Variants in NLRP8 observed in about 807,000 individuals in gnomAD.
NLRP8 encodes NACHT, LRR and PYD domains-containing protein 8.
A neutral mutation model predicts 88.7 loss-of-function variants in NLRP8; 86 were observed. The ratio of observed to expected loss-of-function variants is 0.97; its 90% CI spans 0.81 to 1.16. NLRP8 has a LOEUF of 1.16. Ranked by LOEUF, NLRP8 falls within the 50% of genes most tolerant of loss-of-function variation. The probability of loss-of-function intolerance (pLI) is 0.00; values close to 1 mark genes in which losing one functional copy is unlikely to be tolerated. For synonymous variants in NLRP8, 504 were observed against 494.6 expected (o/e 1.02, Z -0.25); for missense variants, 1,342 against 1,286.5 (o/e 1.04, Z -0.66).
chr19:55,981,867 G>T (rs1461698164), intron 9 of NLRP8, among the ~76,000 whole-genome samples: 1 of 151,456 alleles, frequency 6.6e-6, no homozygotes, highest in Admixed American at 6.6e-5. Flanking sequence ...TTTTTACAAT[G>T]TAATGATCAG....
rs367754677 is a variant in NLRP8, at chr19:55,952,509, G to A, written c.368-29G>A. The A allele has an allele frequency of 2.3e-4, 366 of 1,592,336 alleles. 1 individual carries two copies. The highest frequency in any genetic ancestry group is 9.9e-4 in the Middle Eastern group (6 of 6,040). The stretch of plus-strand genomic sequence containing the variant: ...CTGCTACCAAGATCTTATCATTCCC[G>A]TGGAACAGCCTCCTTTTTTCTGTTA... On this transcript the variant is annotated intron_variant, in intron 1 of 9. Coordinates refer to ENST00000291971, the MANE Select transcript of NLRP8 (RefSeq NM_176811.2).
chr19:55,986,396 A>C (rs755630838), intron 9 of NLRP8, among the ~76,000 whole-genome samples: 1 of 151,052 alleles, frequency 6.6e-6, no homozygotes, highest in Non-Finnish European at 1.5e-5. Flanking sequence ...TCACACACAT[A>C]CACACTGTCT....
chr19:55,953,959 A>AC (rs1979214847), intron 2 of NLRP8, among the ~76,000 whole-genome samples: 1 of 148,976 alleles, frequency 6.7e-6, no homozygotes, highest in Admixed American at 6.7e-5. Context: ...GTGCACCACC[A>AC]CGCCTGGCTA....
At chr19:55,953,508 T>A (rs1052749905) in intron 2 of NLRP8, among the ~76,000 whole-genome samples, 4 of 151,794 alleles carry the variant, frequency 2.6e-5, no homozygotes, top group African/African-American at 9.7e-5. Context: ...CTTTCTTTAT[T>A]TTTTTTGAGA....
intron 7 of NLRP8, 119 bp downstream of exon 7, chr19:55,973,941 T>C: frequency 1.0e-6 from 1 of 976,732 alleles, no homozygotes; most frequent in South Asian, 1.8e-5. Context: ...GTGTTAGGCA[T>C]GGTGCTAGCA....
rs749897543 is a variant in NLRP8, at chr19:55,987,765, A to G, written c.3048-49A>G. 2.4e-5 allele frequency: 33 copies of G among 1,381,200 alleles called. No homozygotes were observed. The Admixed American group carries it at 4.7e-4, about 20-fold the overall frequency. The allele number at this position is 1,381,200 out of a possible 1,614,324, so 85.6% of individuals were successfully genotyped here. A position where few individuals can be genotyped will look rare whatever the true frequency, so the allele number is the denominator to read the frequency against. On this transcript the variant is annotated intron_variant, in intron 9 of 9. Transcript: ENST00000291971. Reference sequence around the variant, plus strand: ...AAATGCAAGCTTAGGGAAGTCACTCATCCTCAGAAAATAACCTCAACCAGC... The same window carrying G: ...AAATGCAAGCTTAGGGAAGTCACTCGTCCTCAGAAAATAACCTCAACCAGC...
rs762406384 is a variant in NLRP8 at position 55,947,931 on chromosome 19, C to T, written c.29C>T (p.Thr10Ile). Residue 10 changes from threonine to isoleucine, a missense_variant, in exon 1 of 10, where the codon ACC becomes ATC. Thr to Ile is a moderately conservative substitution (Grantham distance 89). Transcript: ENST00000291971. Reference sequence around the variant, plus strand: ...AGTGACGTGAATCCACCCTCTGACACCCCCATTCCCTTTTCATCCTCCTCC... The same window carrying T: ...AGTGACGTGAATCCACCCTCTGACATCCCCATTCCCTTTTCATCCTCCTCC... 4 of 1,613,426 alleles carry T rather than the reference C, an allele frequency of 2.5e-6. No individual in the cohort carries two copies. Among genetic ancestry groups the T allele is most frequent in the Non-Finnish European group, 2.5e-6 (3 of 1,179,586 alleles).
At chr19:55,968,413 T>G (rs1359508037) in intron 5 of NLRP8, among the ~76,000 whole-genome samples, 1 of 151,704 alleles carries the variant, frequency 6.6e-6, no homozygotes, top group Non-Finnish European at 1.5e-5. Context: ...CACTCCAGCC[T>G]GGGCGACAGA....
chr19:55,962,652 C>T (rs73934218), intron 4 of NLRP8, among the ~76,000 whole-genome samples: 6 of 151,794 alleles, frequency 4.0e-5, no homozygotes, highest in Non-Finnish European at 8.8e-5. Flanking sequence ...CTCAGGTGTT[C>T]GAGACCAGTC....
rs746272845 is a variant in NLRP8, at chr19:55,962,095, T to A, written c.2071T>A (p.Trp691Arg). The A allele has an allele frequency of 5.0e-6, 8 of 1,614,060 alleles. No homozygotes were observed. In the African/African-American group the frequency reaches 6.7e-5, roughly 13 times the overall value. Residue 691 changes from tryptophan to arginine, a missense_variant, in exon 4 of 10, where the codon TGG (tryptophan) becomes AGG (arginine). Coordinates refer to ENST00000291971, the MANE Select transcript of NLRP8 (RefSeq NM_176811.2). ...GCCAGAGAGCAATGGGCTGCATCGTTGGTGGCAAGACTTATGCTCTGTGTT... is the reference window on the plus strand; with the variant it reads ...GCCAGAGAGCAATGGGCTGCATCGTAGGTGGCAAGACTTATGCTCTGTGTT...
At chr19:55,979,730 A>G (rs1322442117) in intron 9 of NLRP8, among the ~76,000 whole-genome samples, 166 bp downstream of exon 9, 1 of 152,086 alleles carries the variant, frequency 6.6e-6, no homozygotes, top group Non-Finnish European at 1.5e-5. Context: ...CAGCCTGGGC[A>G]ACATTGCAAA....
At chr19:55,984,438 TGAGG>T (rs1980712062) in intron 9 of NLRP8, among the ~76,000 whole-genome samples, 8 of 150,782 alleles carry the variant, frequency 5.3e-5, no homozygotes, top group African/African-American at 1.7e-4. Flanking sequence ...GGGGATCACC[TGAGG>T]TCAGGAATTT....
Position 55,952,618 on chromosome 19 carries a change from T to A in NLRP8, c.442+6T>A. ...TCTGGAGGAAGGAGAATCTGGTATG[T>A]GCCTGTATCACAGCAGACCCTGGTG... On this transcript the variant is annotated splice_donor_region_variant and intron_variant, in intron 2 of 9. Coordinates refer to ENST00000291971, the MANE Select transcript of NLRP8 (RefSeq NM_176811.2). 1.2e-6 allele frequency: 2 copies of A among 1,612,448 alleles called. No homozygotes were observed. The highest frequency in any genetic ancestry group is 1.7e-6 in the Non-Finnish European group (2 of 1,178,460).
At chr19:55,987,737 A>C in intron 9 of NLRP8, 2 of 1,075,784 alleles carry the variant, frequency 1.9e-6, no homozygotes, top group Non-Finnish European at 2.9e-6. Context: ...AAGCATAGAG[A>C]CAAAATGCAA....
intron 9 of NLRP8, among the ~76,000 whole-genome samples, chr19:55,982,318 T>C (rs1193471076): frequency 1.3e-5 from 2 of 152,142 alleles, no homozygotes; most frequent in African/African-American, 4.8e-5. Flanking sequence ...AATCAGTAAA[T>C]CAGAGAGATA....
Position 55,970,589 on chromosome 19 carries a change from C to A in NLRP8, c.2427C>A (p.Gly809=), listed in dbSNP as rs748481881. The stretch of plus-strand genomic sequence containing the variant: ...CCCCTAGAATTTGGACTGATCTTGG[C>A]AATAATCTTCAAGGTAACGGGCATC... Residue 809 remains glycine (G), a synonymous_variant, in exon 6 of 10, where the codon GGC becomes GGA. Coordinates refer to ENST00000291971, the MANE Select transcript of NLRP8 (RefSeq NM_176811.2). 8.1e-6 allele frequency: 13 copies of A among 1,613,912 alleles called. No individual in the cohort carries two copies. The South Asian group carries it at 1.3e-4, about 16-fold the overall frequency.
At position 55,955,461 on chromosome 19, in the gene NLRP8, T is replaced by C. The variant is rs752543725; in HGVS notation, c.1403T>C (p.Val468Ala). 2 of 1,613,952 alleles carry C rather than the reference T, an allele frequency of 1.2e-6. No individual in the cohort carries two copies. Among genetic ancestry groups the C allele is most frequent in the African/African-American group, 2.7e-5 (2 of 74,884 alleles). The change falls in exon 3 of 10, where the codon GTG (valine) becomes GCG (alanine). Residue 468 changes from valine to alanine, a missense_variant. Transcript: ENST00000291971. Reference sequence around the variant, plus strand: ...GACAGCATGTGGCACAGGAAATGGGTGTTAGGTAAAGAAGATCTTGAGGAA... The same window carrying C: ...GACAGCATGTGGCACAGGAAATGGGCGTTAGGTAAAGAAGATCTTGAGGAA...
chr19:55,979,276 A>T, intron 8 of NLRP8, 118 bp from the exon 9 acceptor site: 1 of 1,134,096 alleles, frequency 8.8e-7, no homozygotes, highest in Non-Finnish European at 1.3e-6. Context: ...CCATAGTTGG[A>T]ACAACATTAC....
Position 55,988,469 on chromosome 19 carries a change from T to TATATATATGC in NLRP8, c.*556_*557insATATATATGC, listed in dbSNP as rs1190699962. The TATATATATGC allele has an allele frequency of 6.9e-6, 1 of 144,990 alleles. No homozygotes were observed. Among genetic ancestry groups the TATATATATGC allele is most frequent in the South Asian group, 2.2e-4 (1 of 4,542 alleles). The allele number at this position is 144,990 out of a possible 1,614,324, so 9.0% of individuals were successfully genotyped here. ...GTATATATATATATATATATATATATGCTATATAAAGTTTAAATGAAATGC... is the reference window on the plus strand; with the variant it reads ...GTATATATATATATATATATATATATATATATATGCGCTATATAAAGTTTAAATGAAATGC... On this transcript the variant is annotated 3_prime_UTR_variant, in exon 10 of 10. Transcript: ENST00000291971.
Sources: allele counts gnomAD v4.1 joint callset (sites outside exome capture counted in the v4.1 genomes callset), GRCh38; gene constraint gnomAD v4.1.1; transcripts MANE v1.5; gene names NCBI Gene and HGNC (gene_info 2026-07-23, HGNC 2026-07-21).